The following TSPAN3 variants were observed in gnomAD, a reference collection of about 807,000 sequenced individuals.
The protein encoded by TSPAN3 is tetraspanin-3.
Under a neutral mutation model 31.1 loss-of-function variants are expected in TSPAN3, and 9 were observed. That is an observed-to-expected ratio of 0.29 (90% CI 0.17 to 0.50). The LOEUF is 0.50. Ranked by LOEUF, TSPAN3 falls within the 20% of genes least tolerant of loss-of-function variation. TSPAN3 has a pLI of 0.98. For synonymous variants in TSPAN3, 129 were observed against 114.3 expected, an observed-to-expected ratio of 1.13 and a Z score of -0.82; for missense variants, 252 against 313.5, an observed-to-expected ratio of 0.80 and a Z score of 1.48.
At position 77,042,103 on chromosome 15, in the gene TSPAN3, A is replaced by G. The variant is rs972476133; in HGVS notation, c.*4732T>C. 1 of 152,236 alleles carries G rather than the reference A, an allele frequency of 6.6e-6. No individual in the cohort carries two copies. Among genetic ancestry groups the G allele is most frequent in the Non-Finnish European group, 1.5e-5 (1 of 68,046 alleles). The allele number at this position is 152,236 out of a possible 1,614,324, so 9.4% of individuals were successfully genotyped here. A position where few individuals can be genotyped will look rare whatever the true frequency, so the allele number is the denominator to read the frequency against. The stretch of plus-strand genomic sequence containing the variant: ...ATCAGACTATGTTGTGAAGACAGAA[A>G]GAGGATCTTGTAGGATAAAATTCCT... On this transcript the variant is annotated 3_prime_UTR_variant, in exon 7 of 7. Transcript: ENST00000267970.
At chr15:77,060,797 C>T (rs558332368) in intron 1 of TSPAN3, among the ~76,000 whole-genome samples, 2 of 152,036 alleles carry the variant, frequency 1.3e-5, no homozygotes, top group South Asian at 4.2e-4. Context: ...AAAATCTGAG[C>T]CTGTAAGGAG....
chr15:77,048,191 T>C (rs2076706645), intron 6 of TSPAN3, among the ~76,000 whole-genome samples: 1 of 152,242 alleles, frequency 6.6e-6, no homozygotes, highest in Non-Finnish European at 1.5e-5. Context: ...AAGTCAATTC[T>C]AGACCGATGA....
At chr15:77,049,538 G>C (rs984255094) in intron 6 of TSPAN3, among the ~76,000 whole-genome samples, 1 of 152,072 alleles carries the variant, frequency 6.6e-6, no homozygotes, top group Non-Finnish European at 1.5e-5. Context: ...ATTCATAATT[G>C]ATCATGAGTT....
chr15:77,046,163 A>G lies in TSPAN3; in HGVS notation c.*672T>C, dbSNP rs1375214872. 1 of 368,098 alleles carries G rather than the reference A, an allele frequency of 2.7e-6. No individual in the cohort carries two copies. The highest frequency in any genetic ancestry group is 4.8e-6 in the Non-Finnish European group (1 of 206,998). The allele number at this position is 368,098 out of a possible 1,614,324, so 22.8% of individuals were successfully genotyped here. On this transcript the variant is annotated 3_prime_UTR_variant, in exon 7 of 7. Transcript: ENST00000267970. Reference sequence around the variant, plus strand: ...AGACTTACCATGAATGGGCTCATTCATACAAAAACACACTCACACTAATTC... The same window carrying G: ...AGACTTACCATGAATGGGCTCATTCGTACAAAAACACACTCACACTAATTC...
At position 77,045,464 on chromosome 15, in the gene TSPAN3, G is replaced by C. The variant is rs1329198359; in HGVS notation, c.*1371C>G. On this transcript the variant is annotated 3_prime_UTR_variant, in exon 7 of 7. Transcript: ENST00000267970. Reference sequence around the variant, plus strand: ...ACCTTCCAAATCAAACCTCCAAAGAGCTGCTTCCACCTACAAGTCAGCTCT... The same window carrying C: ...ACCTTCCAAATCAAACCTCCAAAGACCTGCTTCCACCTACAAGTCAGCTCT... 6.6e-6 allele frequency: 1 copy of C among 152,260 alleles called. No individual in the cohort carries two copies. The highest frequency in any genetic ancestry group is 1.9e-4 in the East Asian group (1 of 5,202). 9.4% of individuals were successfully genotyped at this position (152,260 alleles called of 1,614,324 possible). A position where few individuals can be genotyped will look rare whatever the true frequency, so the allele number is the denominator to read the frequency against.
chr15:77,066,936 G>C (rs1486847391), intron 1 of TSPAN3, among the ~76,000 whole-genome samples: 3 of 152,130 alleles, frequency 2.0e-5, no homozygotes, highest in Non-Finnish European at 4.4e-5. Flanking sequence ...CTTCTGCAAA[G>C]TCCTGAGGTG....
Position 77,045,578 on chromosome 15 carries a change from C to A in TSPAN3, c.*1257G>T, listed in dbSNP as rs1234116753. The A allele has an allele frequency of 6.6e-6, 1 of 152,334 alleles. No individual in the cohort carries two copies. The highest frequency in any genetic ancestry group is 2.4e-5 in the African/African-American group (1 of 41,448). The allele number at this position is 152,334 out of a possible 1,614,324, so 9.4% of individuals were successfully genotyped here. ...TTCCCCAGCCTTGTATTTTAAGCTC[C>A]CTGCACACACAATTTTGTTTCACAC... On this transcript the variant is annotated 3_prime_UTR_variant, in exon 7 of 7. Coordinates refer to ENST00000267970, the MANE Select transcript of TSPAN3 (RefSeq NM_005724.6).
chr15:77,070,261 T>C (rs763055793), intron 1 of TSPAN3, among the ~76,000 whole-genome samples: 5 of 152,234 alleles, frequency 3.3e-5, no homozygotes, highest in Non-Finnish European at 7.3e-5. Flanking sequence ...CCAAGAGTTA[T>C]AATCTCACAG....
At chr15:77,056,295 T>C (rs976992618) in intron 1 of TSPAN3, 40 bp from the exon 2 acceptor site, 7 of 1,485,972 alleles carry the variant, frequency 4.7e-6, no homozygotes, top group Non-Finnish European at 5.4e-6. Context: ...TAAGCACTGC[T>C]GGTAAAAATT....
At chr15:77,059,373 C>A (rs1050792140) in intron 1 of TSPAN3, among the ~76,000 whole-genome samples, 2 of 152,198 alleles carry the variant, frequency 1.3e-5, no homozygotes, top group African/African-American at 4.8e-5. Flanking sequence ...TGAGCCATTG[C>A]GCCTGGCCAG....
chr15:77,055,024 CA>C (rs1334478373), intron 3 of TSPAN3: 1 of 151,578 alleles, frequency 6.6e-6, no homozygotes, highest in East Asian at 1.9e-4. Flanking sequence ...GGACATAATC[CA>C]TTGCATTTTT....
intron 1 of TSPAN3, among the ~76,000 whole-genome samples, chr15:77,057,473 G>C (rs2076775262): frequency 6.6e-6 from 1 of 152,078 alleles, no homozygotes; most frequent in Non-Finnish European, 1.5e-5. Flanking sequence ...TTTTACACTA[G>C]GCCATTAGGA....
At chr15:77,055,759 G>A in intron 3 of TSPAN3, 30 bp downstream of exon 3, 1 of 1,543,856 alleles carries the variant, frequency 6.5e-7, no homozygotes, top group Non-Finnish European at 8.8e-7. Context: ...ACCTTTTAAG[G>A]CATTATGTGA....
chr15:77,065,932 AAAC>A (rs1339487498), intron 1 of TSPAN3, among the ~76,000 whole-genome samples: 1 of 152,202 alleles, frequency 6.6e-6, no homozygotes, highest in African/African-American at 2.4e-5. Flanking sequence ...CTCAGATGAA[AAAC>A]AACAACCTAA....
intron 6 of TSPAN3, among the ~76,000 whole-genome samples, chr15:77,047,595 T>G (rs954379521): frequency 5.9e-5 from 9 of 152,224 alleles, no homozygotes; most frequent in African/African-American, 2.2e-4. Context: ...ATATTACTTT[T>G]GAAAGGTCAC....
In TSPAN3 at chr15:77,046,364, T is replaced by C. The variant is rs781655025; in HGVS notation, c.*471A>G. 4.2e-5 allele frequency: 17 copies of C among 401,346 alleles called. No individual in the cohort carries two copies. The highest frequency in any genetic ancestry group is 6.2e-4 in the Middle Eastern group (1 of 1,612). 24.9% of individuals were successfully genotyped at this position (401,346 alleles called of 1,614,324 possible). On this transcript the variant is annotated 3_prime_UTR_variant, in exon 7 of 7. Transcript: ENST00000267970. ...TGCTATCTTATTGGACTACAGTAAA[T>C]ATTTTTTAAAAGGACACCAATGAGG...
intron 6 of TSPAN3, among the ~76,000 whole-genome samples, chr15:77,048,763 C>T (rs2076709515): frequency 2.0e-5 from 3 of 152,152 alleles, no homozygotes; most frequent in South Asian, 2.1e-4. Context: ...AATTAAACTT[C>T]ACTTAGCCCA....
At chr15:77,053,451 CAAAAAAAAAAAAAAAAAAAAAAAAAAAAA>C (rs60483848) in intron 4 of TSPAN3, among the ~76,000 whole-genome samples, 11 of 50,382 alleles carry the variant, frequency 2.2e-4, no homozygotes, top group Non-Finnish European at 6.6e-5. Flanking sequence ...TTCGCCATCT[CAAAAAAAAAAAAAAAAAAAAAAAAAAAAA>C]AAAAAAAAAA....
rs1260799214 is a variant in TSPAN3 at position 77,044,219 on chromosome 15, C to T, written c.*2616G>A. On this transcript the variant is annotated 3_prime_UTR_variant, in exon 7 of 7. Coordinates refer to ENST00000267970, the MANE Select transcript of TSPAN3 (RefSeq NM_005724.6). ...AGTTCTCAAAGTGCCCCGGTGCTTC[C>T]AATGTGCAGCCACGGGCAGGAAACA... 3.3e-5 allele frequency: 5 copies of T among 152,174 alleles called. No homozygotes were observed. The highest frequency in any genetic ancestry group is 3.3e-4 in the Admixed American group (5 of 15,276). 9.4% of individuals were successfully genotyped at this position (152,174 alleles called of 1,614,324 possible). A position where few individuals can be genotyped will look rare whatever the true frequency, so the allele number is the denominator to read the frequency against.
Sources: allele counts gnomAD v4.1 joint callset (sites outside exome capture counted in the v4.1 genomes callset), GRCh38; gene constraint gnomAD v4.1.1; transcripts MANE v1.5; gene names NCBI Gene and HGNC (gene_info 2026-07-23, HGNC 2026-07-21).